THAP8: variants seen among roughly 807,000 people sequenced by gnomAD.
The protein encoded by THAP8 is THAP domain-containing protein 8.
THAP8 carries 24 observed loss-of-function variants against 25.0 expected under a neutral mutation model. The observed-to-expected ratio is 0.96, with a 90% CI of 0.69 to 1.35. The LOEUF is 1.35. THAP8 is among the 40% of genes most tolerant of loss of function. THAP8 has a pLI of 0.00. For missense variants in THAP8, 399 were observed against 368.8 expected, an observed-to-expected ratio of 1.08 and a Z score of -0.67; for synonymous variants, 169 against 157.6, an observed-to-expected ratio of 1.07 and a Z score of -0.54.
chr19:36,052,024 T>C (rs140167351), intron 1 of THAP8, among the ~76,000 whole-genome samples: 14 of 152,086 alleles, frequency 9.2e-5, no homozygotes, highest in Non-Finnish European at 1.8e-4. Context: ...CTCCATTTTT[T>C]TTTTGTTTGT....
chr19:36,043,770 C>A (rs1969782346), intron 1 of THAP8, among the ~76,000 whole-genome samples: 2 of 152,214 alleles, frequency 1.3e-5, no homozygotes, highest in Non-Finnish European at 2.9e-5. Flanking sequence ...TCCCTGTAAT[C>A]CCAGCTACTC....
chr19:36,053,578 G>GC (rs1970157306), intron 1 of THAP8, among the ~76,000 whole-genome samples: 1 of 140,184 alleles, frequency 7.1e-6, no homozygotes, highest in Non-Finnish European at 1.6e-5. Context: ...AAAAAGCAAA[G>GC]AAATGTTTTT....
chr19:36,048,198 G>A (rs1158283265), intron 1 of THAP8, among the ~76,000 whole-genome samples: 1 of 152,152 alleles, frequency 6.6e-6, no homozygotes, highest in Non-Finnish European at 1.5e-5. Flanking sequence ...TTAAGATACT[G>A]TAGAGTAGGA....
At chr19:36,054,009 A>C in intron 1 of THAP8, 126 bp downstream of exon 1, 1 of 1,055,596 alleles carries the variant, frequency 9.5e-7, no homozygotes, top group Non-Finnish European at 1.4e-6. Flanking sequence ...CCATCTCCTC[A>C]TGGTTTAACC....
rs149751385 is a variant in THAP8 at position 36,035,302 on chromosome 19, G to C, written c.*138C>G. ...AAGGTTCAAGAGATCCCTAGGAGTG[G>C]GGTGGTAGAACCCAGGCCCTTGAGG... On this transcript the variant is annotated 3_prime_UTR_variant, in exon 4 of 4. Transcript: ENST00000292894. 5.4e-6 allele frequency: 6 copies of C among 1,111,416 alleles called. No homozygotes were observed. The highest frequency in any genetic ancestry group is 7.5e-6 in the Non-Finnish European group (6 of 795,040). The allele number at this position is 1,111,416 out of a possible 1,614,324, so 68.8% of individuals were successfully genotyped here. A position where few individuals can be genotyped will look rare whatever the true frequency, so the allele number is the denominator to read the frequency against.
At chr19:36,039,814 G>A (rs1969622633) in intron 2 of THAP8, 96 bp from the exon 3 acceptor site, 8 of 1,527,970 alleles carry the variant, frequency 5.2e-6, no homozygotes, top group Non-Finnish European at 7.0e-6. Flanking sequence ...GACTTGCCTA[G>A]GTAAGGCCAG....
In THAP8 at chr19:36,039,574, T is replaced by C; in HGVS notation, c.421A>G (p.Lys141Glu). The C allele has an allele frequency of 6.6e-7, 1 of 1,517,842 alleles. No homozygotes were observed. The highest frequency in any genetic ancestry group is 2.4e-5 in the East Asian group (1 of 40,818). 94.0% of individuals were successfully genotyped at this position (1,517,842 alleles called of 1,614,324 possible). ...GTCAGGAGCATGGTGGCCACAGTCT[T>C]GGGGCTCCCCGATGTGGGGCCCAGC... ...VVLGPTSGSP[K>E]TVATMLLTPL... is the part of the protein sequence containing the mutation. Residue 141 changes from lysine (K) to glutamate (E), a missense_variant, in exon 3 of 4, where the codon AAG becomes GAG. Physicochemically the swap from Lys to Glu is moderately conservative, Grantham distance 56 (BLOSUM62 1). Transcript: ENST00000292894.
Position 36,054,126 on chromosome 19 carries a change from T to C in THAP8, c.83+9A>G. The C allele has an allele frequency of 1.2e-6, 2 of 1,612,626 alleles. No homozygotes were observed. Among genetic ancestry groups the C allele is most frequent in the Non-Finnish European group, 1.7e-6 (2 of 1,179,458 alleles). On this transcript the variant is annotated intron_variant, in intron 1 of 3. Coordinates refer to ENST00000292894, the MANE Select transcript of THAP8 (RefSeq NM_152658.3). ...GCCTCCCTCAAGCCCCGCCCCGCGC[T>C]GCGCTCACTTGTAGAAGCTCACAGG... is the stretch of plus-strand genomic sequence containing the variant.
At chr19:36,039,192 G>A in intron 3 of THAP8, 131 bp downstream of exon 3, 2 of 1,314,948 alleles carry the variant, frequency 1.5e-6, no homozygotes, top group Non-Finnish European at 2.0e-6. Flanking sequence ...ACTGAGCCCG[G>A]GAAAGCCAGA....
At chr19:36,042,522 T>G (rs1236569276) in intron 1 of THAP8, among the ~76,000 whole-genome samples, 1 of 152,092 alleles carries the variant, frequency 6.6e-6, no homozygotes, top group Non-Finnish European at 1.5e-5. Flanking sequence ...GCACAGCTAC[T>G]CAGGAGGCTG....
At chr19:36,038,747 A>T (rs1270802508) in intron 3 of THAP8, among the ~76,000 whole-genome samples, 3 of 151,656 alleles carry the variant, frequency 2.0e-5, no homozygotes, top group Non-Finnish European at 4.4e-5. Context: ...GCTACTTGGG[A>T]GGCTGAGGCA....
chr19:36,048,177 T>A (rs932947636), intron 1 of THAP8, among the ~76,000 whole-genome samples: 1 of 152,168 alleles, frequency 6.6e-6, no homozygotes, highest in African/African-American at 2.4e-5. Flanking sequence ...TTATTCAGCC[T>A]GAGACCCCAA....
At chr19:36,053,900 T>C (rs1395587976) in intron 1 of THAP8, among the ~76,000 whole-genome samples, 1 of 152,132 alleles carries the variant, frequency 6.6e-6, no homozygotes, top group Non-Finnish European at 1.5e-5. Context: ...TACATCCCTT[T>C]CACTCTTCGG....
chr19:36,053,333 G>A lies in THAP8; in HGVS notation c.83+802C>T, dbSNP rs1568557454. On this transcript the variant is annotated intron_variant, in intron 1 of 3. Transcript: ENST00000292894. ...TCTGCCCGCCTCGGCCTCCCAAAGTGCTGGGATTACAGGCGTGAGCCACCA... is the reference window on the plus strand; with the variant it reads ...TCTGCCCGCCTCGGCCTCCCAAAGTACTGGGATTACAGGCGTGAGCCACCA... Among the ~76,000 whole-genome samples the A allele has an allele frequency of 2.4e-5, 3 of 126,448 alleles. No homozygotes were observed. In the Admixed American group the frequency reaches 3.0e-4, roughly 13 times the overall value. 83.0% of individuals were successfully genotyped at this position (126,448 alleles called of 152,430 possible).
intron 3 of THAP8, among the ~76,000 whole-genome samples, chr19:36,036,208 T>C (rs1276618840): frequency 6.6e-6 from 1 of 151,134 alleles, no homozygotes; most frequent in Non-Finnish European, 1.5e-5. Context: ...TCCAGCCAAC[T>C]GCTATCACCT....
chr19:36,037,793 C>G (rs1243097697), intron 3 of THAP8, among the ~76,000 whole-genome samples: 1 of 151,886 alleles, frequency 6.6e-6, no homozygotes, highest in Non-Finnish European at 1.5e-5. Flanking sequence ...ACGTGTGCCA[C>G]CACGTCCGGC....
At chr19:36,040,270 C>T (rs1969645377) in intron 1 of THAP8, 134 bp from the exon 2 acceptor site, 1 of 864,996 alleles carries the variant, frequency 1.2e-6, no homozygotes, top group Non-Finnish European at 1.7e-6. Context: ...CTGTCTTGTG[C>T]CCAGGCTTTC....
At chr19:36,053,533 C>A (rs1392160840) in intron 1 of THAP8, among the ~76,000 whole-genome samples, 5 of 132,312 alleles carry the variant, frequency 3.8e-5, no homozygotes, top group African/African-American at 8.6e-5. Flanking sequence ...CCAGCCTGGG[C>A]GACAAAGCGA....
chr19:36,045,719 A>T (rs1409620029), intron 1 of THAP8: 1 of 456,480 alleles, frequency 2.2e-6, no homozygotes, highest in East Asian at 6.9e-5. Flanking sequence ...AAAAGAAGAG[A>T]GGGCAATGCA....
Sources: allele counts gnomAD v4.1 joint callset (sites outside exome capture counted in the v4.1 genomes callset), GRCh38; gene constraint gnomAD v4.1.1; transcripts MANE v1.5; gene names NCBI Gene and HGNC (gene_info 2026-07-23, HGNC 2026-07-21).